Variants in NIM1K observed in about 807,000 individuals in gnomAD.
The protein encoded by NIM1K is serine/threonine-protein kinase NIM1.
Under a neutral mutation model 37.1 loss-of-function variants are expected in NIM1K, and 35 were observed. The observed-to-expected ratio is 0.94, with a 90% CI of 0.72 to 1.25. The LOEUF (loss-of-function observed/expected upper bound fraction) is 1.25, where lower values mean the gene tolerates loss of function less well. NIM1K is among the 50% of genes most tolerant of loss of function. NIM1K has a pLI of 0.00. For missense variants in NIM1K, 564 were observed against 548.0 expected (o/e 1.03, Z -0.29); for synonymous variants, 234 against 206.6 (o/e 1.13, Z -1.14).
chr5:43,218,305 C>T (rs1218467560), intron 1 of NIM1K, among the ~76,000 whole-genome samples: 1 of 152,164 alleles, frequency 6.6e-6, no homozygotes, highest in African/African-American at 2.4e-5. Context: ...GCCACCGTGC[C>T]CGGCCTCCTC....
At chr5:43,202,500 G>A (rs1432566090) in intron 1 of NIM1K, among the ~76,000 whole-genome samples, 8 of 152,094 alleles carry the variant, frequency 5.3e-5, no homozygotes, top group Admixed American at 1.3e-4. Flanking sequence ...TACAAAATGC[G>A]AGATTAAAAA....
intron 1 of NIM1K, among the ~76,000 whole-genome samples, chr5:43,218,295 GCCA>G (rs1752332079): frequency 6.6e-6 from 1 of 152,194 alleles, no homozygotes; most frequent in South Asian, 2.1e-4. Context: ...ACAGGCGTGA[GCCA>G]CCGTGCCCGG....
intron 2 of NIM1K, among the ~76,000 whole-genome samples, chr5:43,253,573 G>A (rs190711203): frequency 6.6e-4 from 100 of 152,230 alleles, no homozygotes; most frequent in Non-Finnish European, 1.2e-3. Flanking sequence ...CAGAGTCATG[G>A]GAAAGAGATA....
At chr5:43,230,854 C>CT (rs1316043193) in intron 1 of NIM1K, among the ~76,000 whole-genome samples, 2 of 152,146 alleles carry the variant, frequency 1.3e-5, no homozygotes, top group African/African-American at 2.4e-5. Flanking sequence ...TTTACCAGAG[C>CT]TTTTTTTTGT....
intron 1 of NIM1K, chr5:43,207,403 T>A: frequency 1.2e-6 from 1 of 862,326 alleles, no homozygotes; most frequent in Non-Finnish European, 2.0e-6. Context: ...CGTGTGGCGA[T>A]GTCTTAGACA....
intron 2 of NIM1K, among the ~76,000 whole-genome samples, chr5:43,274,346 G>A (rs1457147543): frequency 6.6e-6 from 1 of 152,232 alleles, no homozygotes; most frequent in Non-Finnish European, 1.5e-5. Context: ...GATGGCCACA[G>A]GGAGGATGGG....
intron 1 of NIM1K, among the ~76,000 whole-genome samples, chr5:43,198,180 T>A (rs1197629079): frequency 5.1e-5 from 3 of 59,212 alleles, no homozygotes; most frequent in Non-Finnish European, 1.0e-4. Context: ...TCTTTCTTTC[T>A]TTCTTTCTTT....
chr5:43,258,868 A>G (rs1385037130), intron 2 of NIM1K, among the ~76,000 whole-genome samples: 1 of 152,136 alleles, frequency 6.6e-6, no homozygotes, highest in Non-Finnish European at 1.5e-5. Context: ...TAGTGCACCT[A>G]TCACCTGAGT....
intron 1 of NIM1K, among the ~76,000 whole-genome samples, chr5:43,238,234 G>C (rs1463257620): frequency 6.6e-6 from 1 of 151,742 alleles, no homozygotes; most frequent in Non-Finnish European, 1.5e-5. Flanking sequence ...AGTAGAGATG[G>C]GGTTTCACTG....
chr5:43,276,026 C>T (rs773635356), intron 2 of NIM1K, among the ~76,000 whole-genome samples: 19 of 151,666 alleles, frequency 1.3e-4, no homozygotes, highest in Non-Finnish European at 2.2e-4. Flanking sequence ...CTCAGCCACC[C>T]GAGTAGCACA....
At chr5:43,250,658 G>A (rs970221236) in intron 2 of NIM1K, among the ~76,000 whole-genome samples, 1 of 152,174 alleles carries the variant, frequency 6.6e-6, no homozygotes, top group African/African-American at 2.4e-5. Context: ...CACATAGAGC[G>A]ATGAAAGGCC....
chr5:43,279,866 C>T (rs939250509), intron 3 of NIM1K, 114 bp from the exon 4 acceptor site: 5 of 859,746 alleles, frequency 5.8e-6, no homozygotes, highest in Non-Finnish European at 9.1e-6. Context: ...TAAGGTGATC[C>T]TCACTGAATT....
intron 2 of NIM1K, among the ~76,000 whole-genome samples, chr5:43,263,958 T>C (rs897621233): frequency 1.3e-5 from 2 of 152,236 alleles, no homozygotes; most frequent in Non-Finnish European, 2.9e-5. Flanking sequence ...TCCTGAGTTC[T>C]AGTTTGATTG....
At chr5:43,271,091 CT>C (rs56135531) in intron 2 of NIM1K, among the ~76,000 whole-genome samples, 15,082 of 145,164 alleles carry the variant, frequency 0.1, 941 homozygotes, top group Middle Eastern at 0.19. Flanking sequence ...CCAGCAGCTT[CT>C]TTTTTTTTTT....
chr5:43,251,608 G>A (rs568497953), intron 2 of NIM1K, among the ~76,000 whole-genome samples: 52 of 152,266 alleles, frequency 3.4e-4, no homozygotes, highest in East Asian at 1.5e-3. Context: ...AAGTAGGGCC[G>A]GGTCTTAAGA....
intron 2 of NIM1K, among the ~76,000 whole-genome samples, chr5:43,249,547 A>G (rs575075371): frequency 6.6e-6 from 1 of 152,218 alleles, no homozygotes; most frequent in Non-Finnish European, 1.5e-5. Context: ...AGGATGGACG[A>G]AGGCAATGAC....
At position 43,207,832 on chromosome 5, in the gene NIM1K, C is replaced by T. The variant is rs532903995; in HGVS notation, c.-695+15421C>T. 3 of 342,190 alleles carry T rather than the reference C, an allele frequency of 8.8e-6. No homozygotes were observed. In the East Asian group the frequency reaches 1.9e-4, roughly 22 times the overall value. The allele number at this position is 342,190 out of a possible 1,614,324, so 21.2% of individuals were successfully genotyped here. A position where few individuals can be genotyped will look rare whatever the true frequency, so the allele number is the denominator to read the frequency against. On this transcript the variant is annotated intron_variant, in intron 1 of 3. Coordinates refer to ENST00000326035, the MANE Select transcript of NIM1K (RefSeq NM_153361.4). ...CTTAAAGATGAATAGCCCCTAACCA[C>T]ATGTGTTGCAAATAGCCTTCCTGAC... is the stretch of plus-strand genomic sequence containing the variant.
intron 1 of NIM1K, among the ~76,000 whole-genome samples, chr5:43,208,205 C>T (rs2112212855): frequency 6.6e-6 from 1 of 151,954 alleles, no homozygotes; most frequent in South Asian, 2.1e-4. Context: ...GTGTTTCTTT[C>T]CCCAATAATT....
chr5:43,253,324 G>A (rs1438700924), intron 2 of NIM1K, among the ~76,000 whole-genome samples: 4 of 150,532 alleles, frequency 2.7e-5, no homozygotes, highest in African/African-American at 4.9e-5. Context: ...GATGAGTGCT[G>A]TCCAGAGTAA....
Sources: gnomAD v4.1 joint callset for allele counts (sites outside exome capture counted in the v4.1 genomes callset) on GRCh38, gnomAD v4.1.1 for gene constraint, MANE v1.5 for transcripts, NCBI Gene and HGNC (gene_info 2026-07-23, HGNC 2026-07-21) for gene names.